WWOX: variants seen among roughly 807,000 people sequenced by gnomAD.
WWOX encodes WW domain containing oxidoreductase.
A neutral mutation model predicts 46.2 loss-of-function variants in WWOX; 69 were observed. The observed-to-expected ratio is 1.49, with a 90% CI of 1.23 to 1.82. The LOEUF is 1.82. Ranked by LOEUF, WWOX falls within the 40% of genes most tolerant of loss-of-function variation. The pLI, the probability that WWOX is intolerant of heterozygous loss-of-function variation, is 0.00. For missense variants in WWOX, 919 were observed against 542.6 expected (o/e 1.69, Z -6.89); for synonymous variants, 359 against 202.6 (o/e 1.77, Z -6.56).
intron 8 of WWOX, among the ~76,000 whole-genome samples, chr16:78,690,973 C>G (rs1399834195): frequency 2.6e-5 from 4 of 152,156 alleles, no homozygotes; most frequent in Non-Finnish European, 5.9e-5. Context: ...AGGCCTCAAT[C>G]TATATGTCCA....
At chr16:78,801,337 C>T (rs1171990871) in intron 8 of WWOX, among the ~76,000 whole-genome samples, 1 of 152,062 alleles carries the variant, frequency 6.6e-6, no homozygotes, top group Non-Finnish European at 1.5e-5. Context: ...TGGTGAAATC[C>T]CATCTCTACT....
intron 8 of WWOX, among the ~76,000 whole-genome samples, chr16:79,045,767 CTTTTTTCTTTTCCTT>C (rs2150519747): frequency 2.0e-5 from 2 of 100,000 alleles, no homozygotes; most frequent in South Asian, 6.8e-4. Flanking sequence ...CTCGTCTTTC[CTTTTTTCTTTTCCTT>C]TTTTTTTTTT....
chr16:79,207,649 C>T (rs2051562827), intron 8 of WWOX, among the ~76,000 whole-genome samples: 1 of 152,162 alleles, frequency 6.6e-6, no homozygotes, highest in African/African-American at 2.4e-5. Flanking sequence ...TACTTTAAGA[C>T]AGGAATCTCC....
At chr16:79,209,471 C>G (rs1160482613) in intron 8 of WWOX, among the ~76,000 whole-genome samples, 1 of 152,192 alleles carries the variant, frequency 6.6e-6, no homozygotes, top group Non-Finnish European at 1.5e-5. Flanking sequence ...GCCAGTCTGT[C>G]ATGACGTTTG....
chr16:78,102,908 C>T (rs900935030), intron 1 of WWOX, among the ~76,000 whole-genome samples: 9 of 152,204 alleles, frequency 5.9e-5, no homozygotes, highest in African/African-American at 1.7e-4. Context: ...CACTGGGCCC[C>T]AGAGTACAAA....
At chr16:79,029,420 G>C (rs1862839) in intron 8 of WWOX, among the ~76,000 whole-genome samples, 104,458 of 152,000 alleles carry the variant, frequency 0.69, 36,130 homozygotes, top group East Asian at 0.85. Flanking sequence ...GTCAAAACAT[G>C]TGTGCACCAG....
At chr16:78,701,440 A>T (rs2048214368) in intron 8 of WWOX, among the ~76,000 whole-genome samples, 1 of 152,024 alleles carries the variant, frequency 6.6e-6, no homozygotes, top group Non-Finnish European at 1.5e-5. Context: ...TGAAGGTCCG[A>T]TGGCCACATA....
At chr16:78,579,865 G>A (rs567014810) in intron 8 of WWOX, among the ~76,000 whole-genome samples, 5 of 152,210 alleles carry the variant, frequency 3.3e-5, no homozygotes, top group East Asian at 3.9e-4. Context: ...AGGCTGCCTC[G>A]AAGACTCACT....
At chr16:78,744,455 G>T (rs1305705905) in intron 8 of WWOX, among the ~76,000 whole-genome samples, 1 of 119,880 alleles carries the variant, frequency 8.3e-6, no homozygotes. Flanking sequence ...TTTTTGAAAC[G>T]GAGTATCTGT....
intron 8 of WWOX, among the ~76,000 whole-genome samples, chr16:78,993,787 T>C (rs2046935249): frequency 6.6e-6 from 1 of 152,194 alleles, no homozygotes; most frequent in South Asian, 2.1e-4. Context: ...GGGGGTGGCT[T>C]TTCGTGGTGC....
chr16:78,516,493 T>C (rs563596706), intron 8 of WWOX, among the ~76,000 whole-genome samples: 2 of 152,344 alleles, frequency 1.3e-5, no homozygotes, highest in East Asian at 3.9e-4. Flanking sequence ...TGGAAACATT[T>C]TAGAAAATTG....
chr16:78,305,673 T>C (rs1340497016), intron 5 of WWOX, among the ~76,000 whole-genome samples: 1 of 151,778 alleles, frequency 6.6e-6, no homozygotes, highest in Non-Finnish European at 1.5e-5. Flanking sequence ...CTTGTTTTGG[T>C]AATGATTTAA....
At chr16:78,126,051 A>AT (rs1738149917) in intron 4 of WWOX, among the ~76,000 whole-genome samples, 1 of 152,016 alleles carries the variant, frequency 6.6e-6, no homozygotes. Context: ...TTCTTTCGTG[A>AT]TTTTTCTATT....
intron 8 of WWOX, among the ~76,000 whole-genome samples, chr16:78,576,361 C>T (rs574428388): frequency 1.3e-5 from 2 of 152,298 alleles, no homozygotes; most frequent in South Asian, 2.1e-4. Context: ...GTTCACCTCC[C>T]AAAAGACATA....
intron 8 of WWOX, among the ~76,000 whole-genome samples, chr16:78,746,042 G>T (rs1040452263): frequency 6.6e-6 from 1 of 152,134 alleles, no homozygotes; most frequent in African/African-American, 2.4e-5. Flanking sequence ...GAGAGGTGGA[G>T]GGGGGCTACT....
intron 8 of WWOX, among the ~76,000 whole-genome samples, chr16:79,191,620 T>G (rs2051138410): frequency 6.6e-6 from 1 of 152,156 alleles, no homozygotes; most frequent in Non-Finnish European, 1.5e-5. Context: ...TTGGAGAAGG[T>G]TTCTATCAAA....
chr16:78,933,433 C>T (rs1008723137), intron 8 of WWOX, among the ~76,000 whole-genome samples: 8 of 151,804 alleles, frequency 5.3e-5, no homozygotes, highest in East Asian at 3.9e-4. Context: ...AGGGAGACTC[C>T]GTCTCAAGAA....
At chr16:78,639,044 G>T (rs907288872) in intron 8 of WWOX, among the ~76,000 whole-genome samples, 3 of 152,268 alleles carry the variant, frequency 2.0e-5, no homozygotes, top group Admixed American at 6.5e-5. Context: ...TCTTATGGGG[G>T]ATGAACAGAA....
At chr16:79,112,128 G>C (rs2049428493) in intron 8 of WWOX, among the ~76,000 whole-genome samples, 1 of 151,964 alleles carries the variant, frequency 6.6e-6, no homozygotes, top group African/African-American at 2.4e-5. Flanking sequence ...TTCCCATTTT[G>C]CTCCTCCTAC....
Sources: allele counts gnomAD v4.1 joint callset (sites outside exome capture counted in the v4.1 genomes callset), GRCh38; gene constraint gnomAD v4.1.1; transcripts MANE v1.5; gene names NCBI Gene and HGNC (gene_info 2026-07-23, HGNC 2026-07-21).